Variants in EHBP1 observed in about 807,000 individuals in gnomAD.
The protein encoded by EHBP1 is EH domain binding protein 1, also known as EH domain-binding protein 1.
In EHBP1, 55 loss-of-function variants were observed where a neutral mutation model predicts 144.0. The ratio of observed to expected loss-of-function variants is 0.38; its 90% CI spans 0.31 to 0.48. EHBP1 has a LOEUF of 0.48. Among genes scored for constraint, EHBP1 ranks in the 20% least tolerant of loss-of-function variants. The pLI is 0.98. For missense variants in EHBP1, 1,200 were observed against 1,364.2 expected (o/e 0.88, Z 1.90); for synonymous variants, 469 against 472.7 (o/e 0.99, Z 0.10).
At chr2:62,961,981 T>C (rs2058024301) in intron 14 of EHBP1, among the ~76,000 whole-genome samples, 1 of 151,938 alleles carries the variant, frequency 6.6e-6, no homozygotes, top group Admixed American at 6.5e-5. Context: ...TGAGTGGAGA[T>C]TGCGCCACTA....
chr2:62,835,659 G>T (rs1017523341), intron 7 of EHBP1, among the ~76,000 whole-genome samples: 2 of 152,214 alleles, frequency 1.3e-5, no homozygotes, highest in African/African-American at 2.4e-5. Context: ...CCGAAGCAGG[G>T]CGAGGCATTG....
intron 5 of EHBP1, among the ~76,000 whole-genome samples, chr2:62,820,563 T>C (rs906027450): frequency 2.6e-5 from 4 of 151,676 alleles, no homozygotes; most frequent in Non-Finnish European, 5.9e-5. Context: ...TTCTGCTTTC[T>C]ATTTGCCTAT....
intron 19 of EHBP1, among the ~76,000 whole-genome samples, chr2:63,013,101 T>C (rs772478615): frequency 1.5e-4 from 23 of 152,212 alleles, no homozygotes; most frequent in Non-Finnish European, 2.9e-4. Context: ...TTCTGTTCTC[T>C]ACACAGTTTC....
intron 10 of EHBP1, among the ~76,000 whole-genome samples, chr2:62,929,894 G>T (rs1307055126): frequency 2.6e-5 from 4 of 152,002 alleles, no homozygotes; most frequent in African/African-American, 9.7e-5. Context: ...CCAATCCGTT[G>T]TATTTCTATA....
At chr2:62,854,832 C>T (rs373975391) in intron 7 of EHBP1, among the ~76,000 whole-genome samples, 87 of 152,304 alleles carry the variant, frequency 5.7e-4, no homozygotes, top group African/African-American at 1.9e-3. Flanking sequence ...CCACACACTC[C>T]AAGCAGCTGG....
At chr2:63,005,277 A>G (rs1388437782) in intron 19 of EHBP1, among the ~76,000 whole-genome samples, 1 of 152,120 alleles carries the variant, frequency 6.6e-6, no homozygotes, top group African/African-American at 2.4e-5. Flanking sequence ...GTTCTTTATT[A>G]TCTTCAGTGA....
intron 14 of EHBP1, among the ~76,000 whole-genome samples, chr2:62,959,899 A>G (rs2057911107): frequency 6.6e-6 from 1 of 152,182 alleles, no homozygotes; most frequent in South Asian, 2.1e-4. Context: ...GAGAAGAGCT[A>G]TTTTAATAAT....
chr2:62,870,634 T>C (rs1201810577), intron 9 of EHBP1, among the ~76,000 whole-genome samples: 1 of 149,228 alleles, frequency 6.7e-6, no homozygotes, highest in Non-Finnish European at 1.5e-5. Context: ...GAGAATCGCT[T>C]GAATCTGGGA....
intron 2 of EHBP1, among the ~76,000 whole-genome samples, chr2:62,713,794 G>T (rs1280282592): frequency 6.6e-6 from 1 of 152,180 alleles, no homozygotes; most frequent in Non-Finnish European, 1.5e-5. Context: ...ATGCTAAATT[G>T]ATGTTACTTG....
intron 18 of EHBP1, 102 bp downstream of exon 18, chr2:62,994,079 AT>A: frequency 2.7e-6 from 2 of 751,188 alleles, no homozygotes; most frequent in East Asian, 5.9e-5. Flanking sequence ...GTTTTTTAAG[AT>A]GTCAATCTCC....
chr2:62,790,710 A>T (rs1194034473), intron 5 of EHBP1, among the ~76,000 whole-genome samples: 1 of 152,078 alleles, frequency 6.6e-6, no homozygotes, highest in Non-Finnish European at 1.5e-5. Flanking sequence ...TTCTCTTGTT[A>T]CTTTATAGAT....
intron 14 of EHBP1, among the ~76,000 whole-genome samples, chr2:62,968,628 C>G (rs1317265509): frequency 6.6e-6 from 1 of 152,070 alleles, no homozygotes; most frequent in Non-Finnish European, 1.5e-5. Flanking sequence ...ACACAAATAC[C>G]TATGGTTTAC....
At chr2:63,044,919 C>A in intron 21 of EHBP1, 147 bp from the exon 22 acceptor site, 1 of 617,426 alleles carries the variant, frequency 1.6e-6, no homozygotes, top group Non-Finnish European at 2.9e-6. Context: ...CCACAACAGC[C>A]AAACTCCCCA....
intron 19 of EHBP1, among the ~76,000 whole-genome samples, chr2:63,032,256 T>G (rs1451832548): frequency 1.4e-5 from 2 of 144,514 alleles, no homozygotes; most frequent in Admixed American, 6.9e-5. Context: ...ATAAATAAAA[T>G]GATTTAAAAA....
chr2:62,761,462 A>G (rs2040761804), intron 3 of EHBP1, among the ~76,000 whole-genome samples: 1 of 152,068 alleles, frequency 6.6e-6, no homozygotes, highest in Admixed American at 6.5e-5. Context: ...TGGCATTTTA[A>G]CTAGTAAGAT....
rs368115037 is a variant in EHBP1 at position 63,045,403 on chromosome 2, C to T, written c.3393-7C>T. ...TTTCCTGTTTGTCCTGTTTGTCTGA[C>T]ATCCAGGGCCGAAGAAGAAGATGAG... On this transcript the variant is annotated splice_polypyrimidine_tract_variant and splice_region_variant and intron_variant, in intron 22 of 22. Transcript: ENST00000431489. This position sits in a 1 kb window ranked among gnomAD's most constrained non-coding sequence, Gnocchi z 5.7. 5.9e-5 allele frequency: 96 copies of T among 1,613,482 alleles called. No homozygotes were observed. Among genetic ancestry groups the T allele is most frequent in the Non-Finnish European group, 7.6e-5 (90 of 1,179,522 alleles).
intron 10 of EHBP1, among the ~76,000 whole-genome samples, chr2:62,912,284 G>C (rs1339897733): frequency 1.3e-5 from 2 of 152,104 alleles, no homozygotes; most frequent in African/African-American, 2.4e-5. Flanking sequence ...AGTACTTGTG[G>C]CTCACACCTG....
At chr2:62,676,844 A>T (rs1298359211) in intron 1 of EHBP1, among the ~76,000 whole-genome samples, 1 of 152,214 alleles carries the variant, frequency 6.6e-6, no homozygotes, top group Non-Finnish European at 1.5e-5. Flanking sequence ...AGTTCTTAAC[A>T]TGAGCATAAG....
At chr2:62,868,813 G>T (rs948970246) in intron 9 of EHBP1, among the ~76,000 whole-genome samples, 6 of 151,982 alleles carry the variant, frequency 3.9e-5, no homozygotes, top group African/African-American at 1.5e-4. Context: ...AATTAGCTGG[G>T]TGTGATAGTG....
Sources: allele counts gnomAD v4.1 joint callset (sites outside exome capture counted in the v4.1 genomes callset), GRCh38; gene constraint gnomAD v4.1.1; non-coding constraint Gnocchi (gnomAD v3.1); transcripts MANE v1.5; gene names NCBI Gene and HGNC (gene_info 2026-07-23, HGNC 2026-07-21).